Variants in TRHDE observed in about 807,000 individuals in gnomAD.
TRHDE encodes thyrotropin releasing hormone degrading enzyme.
In TRHDE, 72 loss-of-function variants were observed where a neutral mutation model predicts 125.7. The observed-to-expected ratio is 0.57, with a 90% confidence interval of 0.47 to 0.70. The LOEUF (loss-of-function observed/expected upper bound fraction) is 0.70, where lower values mean the gene tolerates loss of function less well. TRHDE is among the 30% of genes least tolerant of loss of function. TRHDE has a pLI of 0.00. For missense variants in TRHDE, 1,110 were observed against 1,327.1 expected (o/e 0.84, Z 2.54); for synonymous variants, 509 against 509.1 (o/e 1.00, Z 0.00).
At chr12:72,424,972 T>C (rs987001981) in intron 3 of TRHDE, among the ~76,000 whole-genome samples, 1 of 152,126 alleles carries the variant, frequency 6.6e-6, no homozygotes, top group Non-Finnish European at 1.5e-5. Flanking sequence ...AAAAGTCCTT[T>C]AAAAATGTGC....
chr12:72,640,289 T>C (rs1873994260), intron 15 of TRHDE, among the ~76,000 whole-genome samples: 1 of 152,166 alleles, frequency 6.6e-6, no homozygotes, highest in Non-Finnish European at 1.5e-5. Flanking sequence ...TGTCACCCCT[T>C]TCTTTGACAA....
chr12:72,209,538 A>G (rs1175836972), intron 2 of TRHDE, among the ~76,000 whole-genome samples: 1 of 152,246 alleles, frequency 6.6e-6, no homozygotes, highest in Non-Finnish European at 1.5e-5. Context: ...ATAAATGCCA[A>G]GGCAAGGAAA....
chr12:72,397,850 T>C (rs1256041955), intron 3 of TRHDE, among the ~76,000 whole-genome samples: 1 of 152,118 alleles, frequency 6.6e-6, no homozygotes, highest in Non-Finnish European at 1.5e-5. Flanking sequence ...ATTATTATCA[T>C]ACTTTAAGTT....
rs574500426 is a variant in TRHDE, at chr12:72,273,250, A to T, written c.607A>T (p.Met203Leu). The change falls in exon 1 of 19, where the codon ATG becomes TTG. Residue 203 changes from methionine to leucine, a missense_variant. By Grantham distance (15) the Met-to-Leu change is conservative. Transcript: ENST00000261180. This position sits in a 1 kb window ranked among gnomAD's most constrained non-coding sequence, Gnocchi z 5.3. ...CTACAATCTGATGCTCACCGCCTTC[A>T]TGGAGAACTTCACCTTCTCCGGGGA... ...LHYNLMLTAFMENFTFSGEVN... is the reference protein window; with the variant it reads ...LHYNLMLTAFLENFTFSGEVN... 38 of 1,613,880 alleles carry T rather than the reference A, an allele frequency of 2.4e-5. No individual in the cohort carries two copies. The highest frequency in any genetic ancestry group is 3.0e-5 in the Non-Finnish European group (35 of 1,180,004).
intron 5 of TRHDE, among the ~76,000 whole-genome samples, chr12:72,497,748 A>T (rs1448447478): frequency 6.6e-6 from 1 of 152,084 alleles, no homozygotes. Flanking sequence ...TTTTCTTTTG[A>T]AATTGATACA....
At chr12:72,306,911 T>C (rs911831336) in intron 2 of TRHDE, among the ~76,000 whole-genome samples, 2 of 152,066 alleles carry the variant, frequency 1.3e-5, no homozygotes, top group Non-Finnish European at 2.9e-5. Flanking sequence ...AAGTAGACCT[T>C]GGGATATCTG....
chr12:72,432,464 A>G (rs1874533618), intron 3 of TRHDE, among the ~76,000 whole-genome samples: 1 of 152,090 alleles, frequency 6.6e-6, no homozygotes, highest in Admixed American at 6.6e-5. Flanking sequence ...AAATTCCCCC[A>G]CAGTCCCTTG....
In TRHDE at chr12:72,233,512, TA is replaced by T. The variant is rs1461497807; in HGVS notation, n.279+127766del. On this transcript the variant is annotated intron_variant and non_coding_transcript_variant, in intron 2 of 4. Coordinates refer to the TRHDE transcript ENST00000548156. ...GGTCTTAGGTAAAACACAGAAGCAT[TA>T]AAAAAGTATAATAATAAGAAGCAAA... 4.6e-5 allele frequency among the ~76,000 whole-genome samples: 7 copies of T among 152,184 alleles called. No homozygotes were observed. In the South Asian group the frequency reaches 1.2e-3, roughly 27 times the overall value.
At chr12:72,416,952 G>T (rs1189039998) in intron 3 of TRHDE, among the ~76,000 whole-genome samples, 5 of 151,970 alleles carry the variant, frequency 3.3e-5, no homozygotes, top group Non-Finnish European at 1.5e-5. Context: ...AGATTGCTTT[G>T]CATAATATGG....
intron 2 of TRHDE, 47 bp from the exon 3 acceptor site, chr12:72,377,947 CT>C (rs1871968347): frequency 2.2e-6 from 3 of 1,361,222 alleles, no homozygotes; most frequent in Non-Finnish European, 2.0e-6. Flanking sequence ...GAAGATAAAA[CT>C]CAAGTGCTAA....
chr12:72,143,362 T>A, intron 2 of TRHDE, among the ~76,000 whole-genome samples: 1 of 152,096 alleles, frequency 6.6e-6, no homozygotes, highest in Non-Finnish European at 1.5e-5. Flanking sequence ...AATTAGGAAC[T>A]GGCCAGATGA....
intron 3 of TRHDE, among the ~76,000 whole-genome samples, chr12:72,447,735 A>G (rs964307677): frequency 2.0e-5 from 3 of 152,034 alleles, no homozygotes; most frequent in African/African-American, 7.2e-5. Flanking sequence ...GAATTTTCAA[A>G]AAAAGATTGA....
At chr12:72,650,667 T>A (rs1037659669) in intron 15 of TRHDE, among the ~76,000 whole-genome samples, 1 of 152,074 alleles carries the variant, frequency 6.6e-6, no homozygotes, top group Non-Finnish European at 1.5e-5. Flanking sequence ...ATTGATGGGT[T>A]AGTGATTTCA....
At chr12:72,286,987 T>A in intron 2 of TRHDE, 33 bp downstream of exon 2, 3 of 1,602,290 alleles carry the variant, frequency 1.9e-6, no homozygotes, top group Non-Finnish European at 2.6e-6. Flanking sequence ...TGTTTTTGGA[T>A]AATGTACACT....
intron 2 of TRHDE, among the ~76,000 whole-genome samples, chr12:72,339,461 C>G (rs143047642): frequency 2.0e-5 from 3 of 152,046 alleles, no homozygotes; most frequent in African/African-American, 7.2e-5. Context: ...TTAATAAGAC[C>G]GTTTACGTTT....
In TRHDE at chr12:72,272,586, G is replaced by T. The variant is rs573116776; in HGVS notation, c.-58G>T. 5.9e-6 allele frequency: 4 copies of T among 677,114 alleles called. No individual in the cohort carries two copies. Among genetic ancestry groups the T allele is most frequent in the South Asian group, 4.3e-5 (2 of 46,698 alleles). 41.9% of individuals were successfully genotyped at this position (677,114 alleles called of 1,614,324 possible). A position where few individuals can be genotyped will look rare whatever the true frequency, so the allele number is the denominator to read the frequency against. On this transcript the variant is annotated 5_prime_UTR_variant, in exon 1 of 19. Coordinates refer to ENST00000261180, the MANE Select transcript of TRHDE (RefSeq NM_013381.3). The surrounding 1 kb of genome is among the most constrained non-coding windows in gnomAD (Gnocchi z 6.7). ...CCGATGCCTGCTCTGGCTGTGGCCC[G>T]GGTGGCCCGCCCGCGGGGGGTGCCA...
intron 3 of TRHDE, among the ~76,000 whole-genome samples, chr12:72,465,972 A>G (rs1184466569): frequency 6.6e-6 from 1 of 152,026 alleles, no homozygotes; most frequent in Non-Finnish European, 1.5e-5. Context: ...GTTTTACTCT[A>G]TTCTTTAATG....
At chr12:72,385,018 A>G (rs1194889003) in intron 3 of TRHDE, among the ~76,000 whole-genome samples, 1 of 152,128 alleles carries the variant, frequency 6.6e-6, no homozygotes, top group East Asian at 1.9e-4. Flanking sequence ...CAAACAGCTC[A>G]TAGTTTGAAC....
chr12:72,614,118 AG>A, intron 12 of TRHDE, among the ~76,000 whole-genome samples: 1 of 151,904 alleles, frequency 6.6e-6, no homozygotes, highest in South Asian at 2.1e-4. Context: ...CAATCCACAA[AG>A]GGGGTTCTGC....
Sources: gnomAD v4.1 joint callset for allele counts (sites outside exome capture counted in the v4.1 genomes callset) on GRCh38, gnomAD v4.1.1 for gene constraint, Gnocchi (gnomAD v3.1) non-coding constraint, MANE v1.5 for transcripts, NCBI Gene and HGNC (gene_info 2026-07-23, HGNC 2026-07-21) for gene names.